The following USH2A variants were observed in gnomAD, a reference collection of about 807,000 sequenced individuals.
USH2A encodes the protein usherin, also known as Usher syndrome 2A (autosomal recessive, mild).
Under a neutral mutation model 538.9 loss-of-function variants are expected in USH2A, and 443 were observed. The ratio of observed to expected loss-of-function variants is 0.82; its 90% CI spans 0.76 to 0.89. The LOEUF is 0.89. USH2A is among the 40% of genes least tolerant of loss of function. USH2A has a pLI of 0.00. For missense variants in USH2A, 6,633 were observed against 6,324.8 expected, an observed-to-expected ratio of 1.05 and a Z score of -1.65; for synonymous variants, 2,413 against 2,273.5, an observed-to-expected ratio of 1.06 and a Z score of -1.75.
At chr1:216,314,524 T>G (rs541255064) in intron 9 of USH2A, among the ~76,000 whole-genome samples, 1 of 152,190 alleles carries the variant, frequency 6.6e-6, no homozygotes, top group South Asian at 2.1e-4. Context: ...GCCTGATATA[T>G]AATATAAATA....
At chr1:215,708,781 C>T (rs1323763897) in intron 61 of USH2A, among the ~76,000 whole-genome samples, 1 of 152,142 alleles carries the variant, frequency 6.6e-6, no homozygotes, top group East Asian at 1.9e-4. Context: ...TTACCTCCTG[C>T]TGTGTGGCTT....
chr1:215,937,496 A>G (rs1666534291), intron 37 of USH2A, among the ~76,000 whole-genome samples: 1 of 152,158 alleles, frequency 6.6e-6, no homozygotes, highest in Admixed American at 6.6e-5. Context: ...TACATAAGAC[A>G]TAATTCTTGC....
At chr1:216,184,167 T>C (rs1025231812) in intron 20 of USH2A, among the ~76,000 whole-genome samples, 1 of 152,052 alleles carries the variant, frequency 6.6e-6, no homozygotes, top group African/African-American at 2.4e-5. Flanking sequence ...ACTTCCTTAA[T>C]TGTAAAATGG....
chr1:216,239,145 A>AAAAAAAT (rs928076584), intron 13 of USH2A, among the ~76,000 whole-genome samples: 2 of 152,092 alleles, frequency 1.3e-5, no homozygotes, highest in Admixed American at 6.5e-5. Flanking sequence ...AAGCAAAACA[A>AAAAAAAT]AAAAAATAAA....
At chr1:216,021,806 G>A (rs1349894934) in intron 32 of USH2A, among the ~76,000 whole-genome samples, 3 of 152,142 alleles carry the variant, frequency 2.0e-5, no homozygotes, top group Non-Finnish European at 4.4e-5. Flanking sequence ...GGGTATATCT[G>A]GCAAATTGGG....
chr1:216,332,130 A>G (rs1039334324), intron 4 of USH2A, among the ~76,000 whole-genome samples: 1 of 152,120 alleles, frequency 6.6e-6, no homozygotes, highest in African/African-American at 2.4e-5. Context: ...AGTTACTGCT[A>G]GAGGATCAGA....
At chr1:215,741,587 G>T in intron 59 of USH2A, 50 bp from the exon 60 acceptor site, 1 of 1,594,854 alleles carries the variant, frequency 6.3e-7, no homozygotes, top group Non-Finnish European at 8.6e-7. Context: ...GCAAGGAAAA[G>T]AACTACATAT....
chr1:216,334,788 G>T (rs1266277943), intron 4 of USH2A, among the ~76,000 whole-genome samples: 1 of 151,772 alleles, frequency 6.6e-6, no homozygotes, highest in Non-Finnish European at 1.5e-5. Context: ...TCATGTATGT[G>T]TCTAACAACA....
At chr1:215,812,593 A>G (rs1354791171) in intron 49 of USH2A, among the ~76,000 whole-genome samples, 2 of 152,194 alleles carry the variant, frequency 1.3e-5, no homozygotes, top group Non-Finnish European at 2.9e-5. Flanking sequence ...CCTAAACTAG[A>G]TATCTCAAAG....
chr1:215,978,560 A>T (rs1464024083), intron 35 of USH2A, among the ~76,000 whole-genome samples: 1 of 152,244 alleles, frequency 6.6e-6, no homozygotes, highest in Non-Finnish European at 1.5e-5. Context: ...TAAGAATAAT[A>T]TCTACCTTTA....
chr1:216,390,503 G>A (rs562613367), intron 3 of USH2A, among the ~76,000 whole-genome samples: 8 of 152,116 alleles, frequency 5.3e-5, no homozygotes, highest in East Asian at 1.9e-4. Context: ...AAAAATGGCC[G>A]TGACTTTTTA....
Position 215,897,833 on chromosome 1 carries a change from C to T in USH2A, c.7594+2242G>A, listed in dbSNP as rs191290511. Among the ~76,000 whole-genome samples, 3 of 152,194 alleles carry T rather than the reference C, an allele frequency of 2.0e-5. No homozygotes were observed. In the East Asian group the frequency reaches 5.8e-4, roughly 29 times the overall value. ...GAAGAAAGAAAGAGAAAGAAAATTGCACTTTGGTGAGCAGGAGGTGCTGGT... is the reference window on the plus strand; with the variant it reads ...GAAGAAAGAAAGAGAAAGAAAATTGTACTTTGGTGAGCAGGAGGTGCTGGT... On this transcript the variant is annotated intron_variant, in intron 40 of 71. Coordinates refer to ENST00000307340, the MANE Select transcript of USH2A (RefSeq NM_206933.4).
intron 37 of USH2A, among the ~76,000 whole-genome samples, chr1:215,942,366 C>A (rs683804): frequency 0.84 from 127,985 of 152,028 alleles, 54,102 homozygotes; most frequent in East Asian, 0.98. Flanking sequence ...TACTGGTGAG[C>A]AGCAAGTCAC....
intron 49 of USH2A, among the ~76,000 whole-genome samples, chr1:215,805,805 C>G (rs1662483652): frequency 6.6e-6 from 1 of 151,384 alleles, no homozygotes; most frequent in African/African-American, 2.4e-5. Context: ...TACTTTGGCT[C>G]AGAAAAAAAG....
chr1:215,940,824 T>G (rs1410049837), intron 37 of USH2A, among the ~76,000 whole-genome samples: 1 of 152,178 alleles, frequency 6.6e-6, no homozygotes, highest in Non-Finnish European at 1.5e-5. Flanking sequence ...TGGTCATTCC[T>G]CTAGCCTGAC....
At chr1:215,808,697 C>T (rs545013232) in intron 49 of USH2A, among the ~76,000 whole-genome samples, 1 of 152,190 alleles carries the variant, frequency 6.6e-6, no homozygotes, top group East Asian at 1.9e-4. Flanking sequence ...CTTTTTGAGA[C>T]TGGCTTCTTT....
Position 215,849,999 on chromosome 1 carries a change from C to A in USH2A, c.8846-3966G>T, listed in dbSNP as rs146245299. 2.3e-4 allele frequency among the ~76,000 whole-genome samples: 34 copies of A among 151,016 alleles called. No individual in the cohort carries two copies. The East Asian group carries it at 6.6e-3, about 29-fold the overall frequency. On this transcript the variant is annotated intron_variant, in intron 44 of 71. Transcript: ENST00000307340. ...CTAATTAATTGATCTTTTTAAGTTTCATGATAAAACTATCCAATAATCTTC... is the reference window on the plus strand; with the variant it reads ...CTAATTAATTGATCTTTTTAAGTTTAATGATAAAACTATCCAATAATCTTC...
At chr1:215,667,434 C>T (rs548385858) in intron 64 of USH2A, among the ~76,000 whole-genome samples, 6 of 152,216 alleles carry the variant, frequency 3.9e-5, no homozygotes, top group Non-Finnish European at 5.9e-5. Context: ...CCCTCCTGCC[C>T]GTTAGAACTC....
At chr1:215,898,976 G>A (rs2102468680) in intron 40 of USH2A, among the ~76,000 whole-genome samples, 1 of 152,286 alleles carries the variant, frequency 6.6e-6, no homozygotes, top group Admixed American at 6.5e-5. Flanking sequence ...CTCCCAGGGA[G>A]TAATTACGAA....
Sources: gnomAD v4.1 joint callset for allele counts (sites outside exome capture counted in the v4.1 genomes callset) on GRCh38, gnomAD v4.1.1 for gene constraint, MANE v1.5 for transcripts, NCBI Gene and HGNC (gene_info 2026-07-23, HGNC 2026-07-21) for gene names.